Variants in RTL4 observed in about 807,000 individuals in gnomAD.
RTL4 encodes the protein retrotransposon Gag-like protein 4.
Under a neutral mutation model 5.3 loss-of-function variants are expected in RTL4, and 4 were observed. That is an observed-to-expected ratio of 0.75 (90% CI 0.37 to 1.72). The LOEUF (loss-of-function observed/expected upper bound fraction) is 1.72. Ranked by LOEUF, RTL4 falls within the 40% of genes most tolerant of loss-of-function variation. The pLI, the probability that RTL4 is intolerant of heterozygous loss-of-function variation, is 0.04. For synonymous variants in RTL4, 98 were observed against 87.3 expected (o/e 1.12, Z -0.68); for missense variants, 260 against 227.1 (o/e 1.14, Z -0.93).
At chrX:112,436,061 A>C in the RTL4 span, among the ~76,000 whole-genome samples, 1 of 111,259 alleles carries the variant, frequency 9.0e-6, no homozygotes, top group South Asian at 3.8e-4. Flanking sequence ...TACCTAAAAT[A>C]CAAAAATTAG....
chrX:112,141,465 CAG>C, the RTL4 span, among the ~76,000 whole-genome samples: 1 of 111,496 alleles, frequency 9.0e-6, no homozygotes, highest in African/African-American at 3.3e-5. Context: ...TTCCTGATCT[CAG>C]GGGAAAAAAA....
the RTL4 span, among the ~76,000 whole-genome samples, chrX:112,221,772 C>T: frequency 5.4e-5 from 6 of 112,105 alleles, no homozygotes; most frequent in Admixed American, 4.7e-4. Context: ...GAAGGGGTAA[C>T]GGACTAACAA....
the RTL4 span, among the ~76,000 whole-genome samples, chrX:112,087,780 G>T: frequency 9.0e-6 from 1 of 111,293 alleles, no homozygotes; most frequent in African/African-American, 3.3e-5. Context: ...TCACAGTGTC[G>T]TTTAGTGGAT....
chrX:112,235,250 C>G, the RTL4 span, among the ~76,000 whole-genome samples: 1 of 111,665 alleles, frequency 9.0e-6, no homozygotes, highest in Non-Finnish European at 1.9e-5. Flanking sequence ...TGGCAAATAG[C>G]TACCCTAGGC....
At chrX:112,188,995 C>T in the RTL4 span, among the ~76,000 whole-genome samples, 1 of 111,216 alleles carries the variant, frequency 9.0e-6, no homozygotes, top group East Asian at 2.8e-4. Flanking sequence ...TTCCTGATTC[C>T]TTTTACCATC....
the RTL4 span, among the ~76,000 whole-genome samples, chrX:112,217,308 G>A: frequency 8.9e-6 from 1 of 111,905 alleles, no homozygotes; most frequent in Non-Finnish European, 1.9e-5. Context: ...GGCACATGAA[G>A]AGAGTTGGTG....
At chrX:112,170,646 G>A in the RTL4 span, among the ~76,000 whole-genome samples, 1 of 111,580 alleles carries the variant, frequency 9.0e-6, no homozygotes, top group Admixed American at 9.5e-5. Context: ...AAGATTTTGG[G>A]CTGAGATTAT....
chrX:112,356,954 A>G, the RTL4 span, among the ~76,000 whole-genome samples: 195 of 111,584 alleles, frequency 1.7e-3, 1 homozygote, highest in African/African-American at 6.1e-3. Context: ...CATATCTACT[A>G]TATATGCCAC....
the RTL4 span, among the ~76,000 whole-genome samples, chrX:112,322,555 G>A: frequency 0.32 from 35,633 of 110,335 alleles, 5,473 homozygotes; most frequent in African/African-American, 0.59. Context: ...AATGTCATGT[G>A]TAGAGATATA....
At chrX:112,332,725 A>T in the RTL4 span, among the ~76,000 whole-genome samples, 1 of 109,417 alleles carries the variant, frequency 9.1e-6, no homozygotes, top group African/African-American at 3.3e-5. Context: ...AGATATACCT[A>T]GTGTAAATGA....
At chrX:112,147,155 C>CT in the RTL4 span, among the ~76,000 whole-genome samples, 3 of 107,728 alleles carry the variant, frequency 2.8e-5, no homozygotes, top group Admixed American at 1.0e-4. Flanking sequence ...AATTACTTTA[C>CT]TTTTTTTTTC....
chrX:112,325,599 T>C, the RTL4 span, among the ~76,000 whole-genome samples: 3 of 112,290 alleles, frequency 2.7e-5, no homozygotes, highest in Non-Finnish European at 3.8e-5. Flanking sequence ...GCTAGCCATA[T>C]ATAGGAAGCT....
At chrX:112,297,577 C>A in the RTL4 span, among the ~76,000 whole-genome samples, 1 of 111,250 alleles carries the variant, frequency 9.0e-6, no homozygotes, top group South Asian at 3.9e-4. Context: ...TCACCTCCCA[C>A]CAGGCCCCAC....
chrX:112,420,453 C>T, the RTL4 span, among the ~76,000 whole-genome samples: 1 of 111,195 alleles, frequency 9.0e-6, no homozygotes, highest in African/African-American at 3.3e-5. Flanking sequence ...ACACAAGAGG[C>T]GGATCAGCGA....
exon 1 of RTL4, chrX:112,456,966 C>A (rs1342955335): frequency 8.1e-6 from 1 of 123,110 alleles, no homozygotes; most frequent in Admixed American, 9.5e-5. Flanking sequence ...GGCAAAACTC[C>A]CTAAAATGTT....
the RTL4 span, among the ~76,000 whole-genome samples, chrX:112,269,903 C>A: frequency 8.9e-6 from 1 of 112,161 alleles, no homozygotes; most frequent in African/African-American, 3.2e-5. Context: ...CCACACATTG[C>A]AGTAATGTTG....
chrX:112,379,260 A>G, the RTL4 span, among the ~76,000 whole-genome samples: 1 of 112,061 alleles, frequency 8.9e-6, no homozygotes, highest in Non-Finnish European at 1.9e-5. Flanking sequence ...GCCGTCCTCC[A>G]GAATGTAGTA....
the RTL4 span, among the ~76,000 whole-genome samples, chrX:112,200,253 A>ATGTT: frequency 8.9e-6 from 1 of 112,073 alleles, no homozygotes; most frequent in East Asian, 2.8e-4. Context: ...CCAACATGCA[A>ATGTT]TGTGACAGGG....
chrX:112,169,089 TTTC>T, the RTL4 span, among the ~76,000 whole-genome samples: 1 of 40,452 alleles, frequency 2.5e-5, no homozygotes, highest in Non-Finnish European at 4.8e-5. Flanking sequence ...CTTTCTTTTC[TTTC>T]TTTCTTTCTT....
Sources: gnomAD v4.1 joint callset for allele counts (sites outside exome capture counted in the v4.1 genomes callset) on GRCh38, gnomAD v4.1.1 for gene constraint, MANE v1.5 for transcripts, NCBI Gene and HGNC (gene_info 2026-07-23, HGNC 2026-07-21) for gene names.